Variants in NOL4L observed in about 807,000 individuals in gnomAD.
NOL4L encodes the protein nucleolar protein 4-like.
A neutral mutation model predicts 64.5 loss-of-function variants in NOL4L; 7 were observed. That is an observed-to-expected ratio of 0.11 (90% confidence interval 0.06 to 0.20). The LOEUF (loss-of-function observed/expected upper bound fraction) is 0.20, where lower values mean the gene tolerates loss of function less well. Among genes scored for constraint, NOL4L ranks in the 10% least tolerant of loss-of-function variants. The pLI, the probability that NOL4L is intolerant of heterozygous loss-of-function variation, is 1.00. For synonymous variants in NOL4L, 413 were observed against 401.0 expected (o/e 1.03, Z -0.36); for missense variants, 680 against 967.1 (o/e 0.70, Z 3.94).
chr20:32,456,044 C>T lies in NOL4L; in HGVS notation c.1119+74G>A, dbSNP rs538347116. The T allele has an allele frequency of 1.1e-5, 15 of 1,413,974 alleles. No homozygotes were observed. The African/African-American group carries it at 1.3e-4, about 12-fold the overall frequency. 87.6% of individuals were successfully genotyped at this position (1,413,974 alleles called of 1,614,324 possible). A position where few individuals can be genotyped will look rare whatever the true frequency, so the allele number is the denominator to read the frequency against. On this transcript the variant is annotated intron_variant, in intron 6 of 10. Coordinates refer to ENST00000621426, the MANE Select transcript of NOL4L (RefSeq NM_001256798.2). ...GGGCTGGCTCCAGCTAAGCTCTGGGCGTATACAATTTCATTCTCGCCTCGC... is the reference window on the plus strand; with the variant it reads ...GGGCTGGCTCCAGCTAAGCTCTGGGTGTATACAATTTCATTCTCGCCTCGC...
At chr20:32,514,574 T>A (rs1018154984) in intron 3 of NOL4L, among the ~76,000 whole-genome samples, 4 of 151,942 alleles carry the variant, frequency 2.6e-5, no homozygotes, top group African/African-American at 9.7e-5. Context: ...CTCCTTTTTT[T>A]AAGAGAGACT....
In NOL4L at chr20:32,444,843, C is replaced by T. The variant is rs930097963; in HGVS notation, c.*2753G>A. On this transcript the variant is annotated 3_prime_UTR_variant, in exon 11 of 11. Coordinates refer to ENST00000621426, the MANE Select transcript of NOL4L (RefSeq NM_001256798.2). Reference sequence around the variant, plus strand: ...AGCTCCTTTTGGGAGAAGGCAGTCCCTCTGGTGAGGGTGAGACAGCAGTGA... The same window carrying T: ...AGCTCCTTTTGGGAGAAGGCAGTCCTTCTGGTGAGGGTGAGACAGCAGTGA... The T allele has an allele frequency of 2.6e-5, 4 of 152,228 alleles. No homozygotes were observed. Among genetic ancestry groups the T allele is most frequent in the African/African-American group, 9.6e-5 (4 of 41,458 alleles). 9.4% of individuals were successfully genotyped at this position (152,228 alleles called of 1,614,324 possible).
chr20:32,557,865 G>A (rs1241572224), intron 1 of NOL4L, among the ~76,000 whole-genome samples: 1 of 152,204 alleles, frequency 6.6e-6, no homozygotes, highest in Non-Finnish European at 1.5e-5. Flanking sequence ...AGGAGTTTGA[G>A]ACCAGCATGG....
At chr20:32,475,511 G>GCCGGCCCTTGGCCAGTCAT (rs2015333977) in intron 4 of NOL4L, among the ~76,000 whole-genome samples, 1 of 152,252 alleles carries the variant, frequency 6.6e-6, no homozygotes, top group Admixed American at 6.5e-5. Flanking sequence ...CCGGCTTCGG[G>GCCGGCCCTTGGCCAGTCAT]CCGGCCCTTG....
intron 4 of NOL4L, among the ~76,000 whole-genome samples, chr20:32,492,076 A>G (rs545936537): frequency 1.3e-5 from 2 of 152,352 alleles, no homozygotes; most frequent in Admixed American, 1.3e-4. Context: ...GTGCCACTGC[A>G]TTCTAGCCTG....
At chr20:32,488,827 T>TTTTCTTTCTTTCTTTCTTTCTTTC (rs1175303976) in intron 4 of NOL4L, among the ~76,000 whole-genome samples, 14 of 33,138 alleles carry the variant, frequency 4.2e-4, no homozygotes, top group Non-Finnish European at 6.4e-4. Flanking sequence ...CTTTCTTTCT[T>TTTTCTTTCTTTCTTTCTTTCTTTC]TTTCTTTCTT....
chr20:32,488,793 T>TCCTC (rs1304215016), intron 4 of NOL4L, among the ~76,000 whole-genome samples: 1 of 26,902 alleles, frequency 3.7e-5, no homozygotes, highest in Non-Finnish European at 5.8e-5. Flanking sequence ...CTTCCTTCCT[T>TCCTC]TCTTTCTTTC....
chr20:32,527,995 C>T (rs1600835712), intron 1 of NOL4L, 82 bp from the exon 2 acceptor site: 1 of 1,290,310 alleles, frequency 7.8e-7, no homozygotes, highest in Middle Eastern at 2.0e-4. Flanking sequence ...GGCAAGGGGT[C>T]AGGACGGGCA....
intron 1 of NOL4L, among the ~76,000 whole-genome samples, chr20:32,576,212 T>C (rs1253912332): frequency 6.6e-6 from 1 of 151,674 alleles, no homozygotes; most frequent in Non-Finnish European, 1.5e-5. Context: ...TGGCTGTTTG[T>C]GGGAAGAAGG....
At chr20:32,484,336 C>T in intron 4 of NOL4L, among the ~76,000 whole-genome samples, 1 of 152,030 alleles carries the variant, frequency 6.6e-6, no homozygotes, top group East Asian at 1.9e-4. Context: ...ACGGCAGGGC[C>T]CCCAGTGCTT....
At chr20:32,580,322 CT>C (rs1331404331) in intron 1 of NOL4L, among the ~76,000 whole-genome samples, 1 of 152,178 alleles carries the variant, frequency 6.6e-6, no homozygotes, top group East Asian at 1.9e-4. Flanking sequence ...AGCCGCTATA[CT>C]GATAATTCAG....
rs572850378 is a variant in NOL4L, at chr20:32,460,425, G to A, written c.842-4030C>T. Reference sequence around the variant, plus strand: ...GCCCCCACCCCACACAGCTGCCCCCGCGCCACATGCTCTGGGGGCTGCCTG... The same window carrying A: ...GCCCCCACCCCACACAGCTGCCCCCACGCCACATGCTCTGGGGGCTGCCTG... On this transcript the variant is annotated intron_variant, in intron 5 of 10. Transcript: ENST00000621426. The surrounding 1 kb of genome is among the most constrained non-coding windows in gnomAD (Gnocchi z 5.7). Among the ~76,000 whole-genome samples, 14 of 152,222 alleles carry A rather than the reference G, an allele frequency of 9.2e-5. No homozygotes were observed. In the East Asian group the frequency reaches 2.1e-3, roughly 23 times the overall value.
intron 4 of NOL4L, among the ~76,000 whole-genome samples, chr20:32,494,176 C>T (rs567776170): frequency 1.1e-4 from 16 of 146,046 alleles, no homozygotes; most frequent in African/African-American, 4.1e-4. Flanking sequence ...TCATTTGAAC[C>T]CAGGAGGTGG....
At chr20:32,528,049 T>A in intron 1 of NOL4L, 136 bp from the exon 2 acceptor site, 2 of 504,750 alleles carry the variant, frequency 4.0e-6, no homozygotes, top group Non-Finnish European at 6.4e-6. Flanking sequence ...GGAGGGAGCC[T>A]ACCGAGGGGG....
chr20:32,502,660 C>T (rs1369634521), intron 4 of NOL4L, among the ~76,000 whole-genome samples: 1 of 151,662 alleles, frequency 6.6e-6, no homozygotes, highest in Non-Finnish European at 1.5e-5. Flanking sequence ...CCTGTAATCC[C>T]AGCACTTTGG....
At chr20:32,456,086 A>C (rs763455179) in intron 6 of NOL4L, 32 bp downstream of exon 6, 16 of 1,462,890 alleles carry the variant, frequency 1.1e-5, no homozygotes, top group Non-Finnish European at 1.3e-5. Flanking sequence ...CCTTTACAGA[A>C]AGAAATGGAC....
chr20:32,466,499 C>T (rs771256810), intron 5 of NOL4L, among the ~76,000 whole-genome samples: 2 of 152,230 alleles, frequency 1.3e-5, no homozygotes, highest in African/African-American at 2.4e-5. Flanking sequence ...TCCTGTGACC[C>T]GGGACTGCCA....
chr20:32,500,127 T>C (rs1463022245), intron 4 of NOL4L, among the ~76,000 whole-genome samples: 1 of 152,200 alleles, frequency 6.6e-6, no homozygotes, highest in Non-Finnish European at 1.5e-5. Flanking sequence ...AATAAAAACA[T>C]GTATGCTTTT....
rs1338651995 is a variant in NOL4L, at chr20:32,511,461, C to A, written c.590-5G>T. ...GTGGAGATGGAGGCTCGTTTTCTGGCAGAAAGAACAAAAGGAAAGCCCTTT... is the reference window on the plus strand; with the variant it reads ...GTGGAGATGGAGGCTCGTTTTCTGGAAGAAAGAACAAAAGGAAAGCCCTTT... On this transcript the variant is annotated splice_region_variant and splice_polypyrimidine_tract_variant and intron_variant, in intron 3 of 10. Transcript: ENST00000621426. The A allele has an allele frequency of 5.8e-6, 9 of 1,540,558 alleles. No homozygotes were observed. Among genetic ancestry groups the A allele is most frequent in the Non-Finnish European group, 7.9e-6 (9 of 1,138,174 alleles).
Sources: gnomAD v4.1 joint callset for allele counts (sites outside exome capture counted in the v4.1 genomes callset) on GRCh38, gnomAD v4.1.1 for gene constraint, Gnocchi (gnomAD v3.1) non-coding constraint, MANE v1.5 for transcripts, NCBI Gene and HGNC (gene_info 2026-07-23, HGNC 2026-07-21) for gene names.